Variants in NLRC4 observed in about 807,000 individuals in gnomAD.
NLRC4 encodes the protein NLR family CARD domain-containing protein 4.
In NLRC4, 63 loss-of-function variants were observed where a neutral mutation model predicts 79.9. That is an observed-to-expected ratio of 0.79 (90% confidence interval 0.64 to 0.97). The LOEUF (loss-of-function observed/expected upper bound fraction) is 0.97. Ranked by LOEUF, NLRC4 falls within the 50% of genes least tolerant of loss-of-function variation. The pLI, the probability that NLRC4 is intolerant of heterozygous loss-of-function variation, is 0.00. For synonymous variants in NLRC4, 461 were observed against 456.5 expected, an observed-to-expected ratio of 1.01 and a Z score of -0.12; for missense variants, 1,074 against 1,215.2, an observed-to-expected ratio of 0.88 and a Z score of 1.73.
intron 8 of NLRC4, among the ~76,000 whole-genome samples, chr2:32,230,031 T>G (rs936684210): frequency 6.6e-6 from 1 of 152,120 alleles, no homozygotes; most frequent in Non-Finnish European, 1.5e-5. Context: ...TGAGCAACTT[T>G]AAAAACTGAC....
At chr2:32,233,792 G>A (rs1686609443) in intron 8 of NLRC4, among the ~76,000 whole-genome samples, 1 of 152,060 alleles carries the variant, frequency 6.6e-6, no homozygotes, top group Non-Finnish European at 1.5e-5. Flanking sequence ...TATAAATATA[G>A]GTCCATTTGG....
At chr2:32,234,360 C>T (rs1241181590) in intron 8 of NLRC4, among the ~76,000 whole-genome samples, 3 of 150,754 alleles carry the variant, frequency 2.0e-5, no homozygotes, top group Non-Finnish European at 4.4e-5. Context: ...CCAGCCTGGG[C>T]GACAGAGCAA....
chr2:32,224,729 T>C lies in NLRC4; in HGVS notation c.2819A>G (p.Gln940Arg). 6.3e-7 allele frequency: 1 copy of C among 1,596,132 alleles called. No individual in the cohort carries two copies. Among genetic ancestry groups the C allele is most frequent in the Non-Finnish European group, 8.5e-7 (1 of 1,171,892 alleles). Residue 940 changes from glutamine (Q) to arginine (R), a missense_variant, in exon 9 of 9, where the codon CAG (glutamine) becomes CGG (arginine). Coordinates refer to ENST00000402280, the MANE Select transcript of NLRC4 (RefSeq NM_001199138.2). ...FFGKNPLKNF[Q>R]QLNLAGNRVS... Reference sequence around the variant, plus strand: ...ACGATTTCCCGCCAAATTCAACTGCTGGAAGTTTTTCAGAGGGTTCTTTCC... The same window carrying C: ...ACGATTTCCCGCCAAATTCAACTGCCGGAAGTTTTTCAGAGGGTTCTTTCC...
At chr2:32,253,964 C>CAAAA (rs71407436) in intron 2 of NLRC4, among the ~76,000 whole-genome samples, 3 of 107,924 alleles carry the variant, frequency 2.8e-5, no homozygotes, top group African/African-American at 3.7e-5. Context: ...AACTCTGTCT[C>CAAAA]AAAAAAAAAA....
chr2:32,235,672 G>T, intron 7 of NLRC4, 104 bp from the exon 8 acceptor site: 1 of 920,194 alleles, frequency 1.1e-6, no homozygotes. Flanking sequence ...TGGCTCTGCA[G>T]CCTACTCAAT....
Position 32,261,941 on chromosome 2 carries a change from C to T in NLRC4, c.-119+2797G>A, listed in dbSNP as rs1687361331. On this transcript the variant is annotated intron_variant, in intron 1 of 8. Transcript: ENST00000402280. ...ACTAAAAATACAAGAATTAGCCAGG[C>T]GTGGTGGCAGGCGCCTGTACTCCCA... Among the ~76,000 whole-genome samples, 4 of 151,738 alleles carry T rather than the reference C, an allele frequency of 2.6e-5. No homozygotes were observed. In the South Asian group the frequency reaches 6.2e-4, roughly 24 times the overall value.
intron 8 of NLRC4, among the ~76,000 whole-genome samples, chr2:32,228,923 G>A (rs1053271201): frequency 4.0e-5 from 6 of 151,706 alleles, no homozygotes; most frequent in African/African-American, 1.5e-4. Context: ...TGTGCACTAC[G>A]CCCAGCTAAT....
At chr2:32,252,358 T>C in intron 3 of NLRC4, 61 bp downstream of exon 3, 1 of 1,264,326 alleles carries the variant, frequency 7.9e-7, no homozygotes, top group Non-Finnish European at 1.1e-6. Flanking sequence ...ATGGGGAAGA[T>C]GGATCTTTGT....
At chr2:32,233,062 A>T (rs894942779) in intron 8 of NLRC4, among the ~76,000 whole-genome samples, 2 of 147,348 alleles carry the variant, frequency 1.4e-5, no homozygotes, top group Non-Finnish European at 3.0e-5. Flanking sequence ...GTGAGCTGTG[A>T]TCACATCCCT....
At position 32,250,576 on chromosome 2, in the gene NLRC4, A is replaced by G; in HGVS notation, c.1288T>C (p.Tyr430His). The G allele has an allele frequency of 1.2e-6, 2 of 1,614,166 alleles. No individual in the cohort carries two copies. Among genetic ancestry groups the G allele is most frequent in the Non-Finnish European group, 1.7e-6 (2 of 1,180,028 alleles). Reference sequence around the variant, plus strand: ...TTTGGCTTGAACCTTTGAGCTGTATATTTACAGAGGAGCCCAGTTGTCAGC... The same window carrying G: ...TTTGGCTTGAACCTTTGAGCTGTATGTTTACAGAGGAGCCCAGTTGTCAGC... ...VLLTTGLLCK[Y>H]TAQRFKPKYK... Residue 430 changes from tyrosine (Y) to histidine (H), a missense_variant, in exon 4 of 9, where the codon TAT (tyrosine) becomes CAT (histidine). Tyr to His is a moderately conservative substitution (Grantham distance 83, BLOSUM62 2). Coordinates refer to ENST00000402280, the MANE Select transcript of NLRC4 (RefSeq NM_001199138.2). This position sits in a 1 kb window ranked among gnomAD's most constrained non-coding sequence, Gnocchi z 4.9.
rs1180406520 is a variant in NLRC4, at chr2:32,224,541, C to T, written c.3007G>A (p.Val1003Ile). Residue 1003 changes from valine to isoleucine, a missense_variant, in exon 9 of 9, where the codon GTT becomes ATT. Transcript: ENST00000402280. The stretch of plus-strand genomic sequence containing the variant: ...TCATCATCATCAAATTGCCACCCAA[C>T]AAGCCTAGCTTCTTGCAGAAAAGTT... Reference protein sequence around the residue: ...KLTFLQEARLVGWQFDDDDLS... With the variant: ...KLTFLQEARLIGWQFDDDDLS... 1 of 1,613,626 alleles carries T rather than the reference C, an allele frequency of 6.2e-7. No homozygotes were observed. The highest frequency in any genetic ancestry group is 8.5e-7 in the Non-Finnish European group (1 of 1,179,782).
intron 1 of NLRC4, among the ~76,000 whole-genome samples, chr2:32,261,280 C>T (rs1479824366): frequency 1.4e-5 from 2 of 145,900 alleles, no homozygotes; most frequent in Non-Finnish European, 3.0e-5. Flanking sequence ...GAGAGCTATT[C>T]TCTTTTCTCT....
chr2:32,252,328 G>C lies in NLRC4; in HGVS notation c.262+91C>G, dbSNP rs1006619952. 6 of 941,414 alleles carry C rather than the reference G, an allele frequency of 6.4e-6. No individual in the cohort carries two copies. The African/African-American group carries it at 9.8e-5, about 15-fold the overall frequency. 58.3% of individuals were successfully genotyped at this position (941,414 alleles called of 1,614,324 possible). On this transcript the variant is annotated intron_variant, in intron 3 of 8. Coordinates refer to ENST00000402280, the MANE Select transcript of NLRC4 (RefSeq NM_001199138.2). ...CCACTGCCAGGTGATATGAAGAGAA[G>C]GAAAAGCAGAGGCTCTGCCATGGGG... is the stretch of plus-strand genomic sequence containing the variant.
chr2:32,238,552 T>G (rs771559072), intron 5 of NLRC4, among the ~76,000 whole-genome samples: 7 of 152,158 alleles, frequency 4.6e-5, no homozygotes, highest in Non-Finnish European at 8.8e-5. Context: ...AACACTGTAG[T>G]AAATTTGTAG....
In NLRC4 at chr2:32,241,057, T is replaced by C. The variant is rs756678920; in HGVS notation, c.2326A>G (p.Asn776Asp). The C allele has an allele frequency of 1.3e-6, 2 of 1,599,596 alleles. No individual in the cohort carries two copies. The highest frequency in any genetic ancestry group is 3.3e-5 in the Admixed American group (2 of 59,836). The change falls in exon 5 of 9, where the codon AAT (asparagine) becomes GAT (aspartate). Residue 776 changes from asparagine to aspartate, a missense_variant. Physicochemically the swap from Asn to Asp is conservative, Grantham distance 23 (BLOSUM62 1). Transcript: ENST00000402280. The stretch of plus-strand genomic sequence containing the variant: ...CCTAGTTTTATAGCATCTTCTTCAT[T>C]CATCTTTATGTTATCCATTATGAGC... Reference protein sequence around the residue: ...TKLIMDNIKMNEEDAIKLAEG... With the variant: ...TKLIMDNIKMDEEDAIKLAEG...
At chr2:32,228,609 A>T (rs1263890637) in intron 8 of NLRC4, among the ~76,000 whole-genome samples, 1 of 152,176 alleles carries the variant, frequency 6.6e-6, no homozygotes, top group Non-Finnish European at 1.5e-5. Context: ...TTTTTCAGAG[A>T]TCCTAAGTTT....
At chr2:32,251,744 A>G (rs1425635372) in intron 3 of NLRC4, 143 bp from the exon 4 acceptor site, 2 of 607,556 alleles carry the variant, frequency 3.3e-6, no homozygotes, top group African/African-American at 1.9e-5. Flanking sequence ...AGCTGGCACA[A>G]AGGGTTCTGT....
rs753073813 is a variant in NLRC4, at chr2:32,251,300, G to A, written c.564C>T (p.Ser188=). The change falls in exon 4 of 9, where the codon TCC becomes TCT. Residue 188 remains serine, a synonymous_variant. Coordinates refer to ENST00000402280, the MANE Select transcript of NLRC4 (RefSeq NM_001199138.2). ...LLQRIAMLWG[S]GKCKALTKFK... ...ACTTGGTCAGAGCCTTGCACTTTCC[G>A]GAGCCCCAGAGCATGGCAATTCGCT... 2.3e-5 allele frequency: 37 copies of A among 1,614,066 alleles called. No homozygotes were observed. The highest frequency in any genetic ancestry group is 2.7e-5 in the Non-Finnish European group (32 of 1,180,022).
intron 2 of NLRC4, among the ~76,000 whole-genome samples, chr2:32,255,767 C>T (rs1687193411): frequency 6.6e-6 from 1 of 152,172 alleles, no homozygotes; most frequent in Non-Finnish European, 1.5e-5. Flanking sequence ...GTAATCCCAG[C>T]ATTTTGGGAG....
Sources: gnomAD v4.1 joint callset for allele counts (sites outside exome capture counted in the v4.1 genomes callset) on GRCh38, gnomAD v4.1.1 for gene constraint, Gnocchi (gnomAD v3.1) non-coding constraint, MANE v1.5 for transcripts, NCBI Gene and HGNC (gene_info 2026-07-23, HGNC 2026-07-21) for gene names.